Variants in EPB41L1 observed in about 807,000 individuals in gnomAD.
EPB41L1 encodes band 4.1-like protein 1.
In EPB41L1, 29 loss-of-function variants were observed where a neutral mutation model predicts 97.8. The observed-to-expected ratio is 0.30, with a 90% confidence interval of 0.22 to 0.40. The LOEUF (loss-of-function observed/expected upper bound fraction) is 0.40. Ranked by LOEUF, EPB41L1 falls within the 10% of genes least tolerant of loss-of-function variation. The pLI, the probability that EPB41L1 is intolerant of heterozygous loss-of-function variation, is 1.00. For missense variants in EPB41L1, 812 were observed against 1,162.3 expected (o/e 0.70, Z 4.38); for synonymous variants, 383 against 459.2 (o/e 0.83, Z 2.12).
At position 36,206,163 on chromosome 20, in the gene EPB41L1, C is replaced by T. The variant is rs772051461; in HGVS notation, c.1669-3325C>T. On this transcript the variant is annotated intron_variant, in intron 14 of 21. Transcript: ENST00000338074. The surrounding 1 kb of genome is among the most constrained non-coding windows in gnomAD (Gnocchi z 5.5). Reference sequence around the variant, plus strand: ...GCCCAGGAGGGGCTGCCCTGGCTTCCGGCCGCACATTGGCAGAAAAGCTCC... The same window carrying T: ...GCCCAGGAGGGGCTGCCCTGGCTTCTGGCCGCACATTGGCAGAAAAGCTCC... The T allele has an allele frequency of 4.6e-5, 59 of 1,289,880 alleles. 1 individual carries two copies. The highest frequency in any genetic ancestry group is 1.4e-4 in the Admixed American group (6 of 43,578). The allele number at this position is 1,289,880 out of a possible 1,614,324, so 79.9% of individuals were successfully genotyped here.
At chr20:36,187,562 G>A in intron 7 of EPB41L1, 114 bp from the exon 8 acceptor site, 1 of 844,968 alleles carries the variant, frequency 1.2e-6, no homozygotes. Context: ...TTAGGGTGAG[G>A]CTCAGCATAT....
At chr20:36,133,331 A>G (rs1164901631) in intron 2 of EPB41L1, among the ~76,000 whole-genome samples, 2 of 152,234 alleles carry the variant, frequency 1.3e-5, no homozygotes, top group African/African-American at 4.8e-5. Flanking sequence ...TAGGGAATTA[A>G]GTCAGTAGAT....
Position 36,206,211 on chromosome 20 carries a change from A to C in EPB41L1, c.1669-3277A>C. On this transcript the variant is annotated intron_variant, in intron 14 of 21. Coordinates refer to ENST00000338074, the MANE Select transcript of EPB41L1 (RefSeq NM_012156.2). This position sits in a 1 kb window ranked among gnomAD's most constrained non-coding sequence, Gnocchi z 5.5. ...TCCTCGAGGGCTCTGAGCTCAGGGC[A>C]GACACCAGAGAGGCAACCATCAGGA... The C allele has an allele frequency of 7.8e-7, 1 of 1,289,924 alleles. No homozygotes were observed. Among genetic ancestry groups the C allele is most frequent in the Non-Finnish European group, 1.0e-6 (1 of 988,900 alleles). 79.9% of individuals were successfully genotyped at this position (1,289,924 alleles called of 1,614,324 possible).
In EPB41L1 at chr20:36,188,459, A is replaced by G; in HGVS notation, c.986A>G (p.Tyr329Cys). ...TGGCCCAAGATCCTCAAGATCTCCT[A>G]CAAGAGGAGTAACTTCTATATCAAG... is the stretch of plus-strand genomic sequence containing the variant. ...FAWPKILKIS[Y>C]KRSNFYIKIR... is the part of the protein sequence containing the mutation. Residue 329 changes from tyrosine to cysteine, a missense_variant, in exon 9 of 22, where the codon TAC (tyrosine) becomes TGC (cysteine). Coordinates refer to ENST00000338074, the MANE Select transcript of EPB41L1 (RefSeq NM_012156.2). 1 of 1,613,904 alleles carries G rather than the reference A, an allele frequency of 6.2e-7. No homozygotes were observed. The highest frequency in any genetic ancestry group is 8.5e-7 in the Non-Finnish European group (1 of 1,179,974).
At position 36,185,132 on chromosome 20, in the gene EPB41L1, G is replaced by A. The variant is rs66823537; in HGVS notation, c.582G>A (p.Leu194=). Residue 194 remains leucine (L), a synonymous_variant, in exon 7 of 22, where the codon CTG becomes CTA. Coordinates refer to ENST00000338074, the MANE Select transcript of EPB41L1 (RefSeq NM_012156.2). ...TEDITRYYLC[L]QLRADIITGR... ...CTATCTCCAGATACTACCTGTGCCT[G>A]CAGCTGCGGGCAGACATCATCACGG... 6.2e-7 allele frequency: 1 copy of A among 1,612,290 alleles called. No homozygotes were observed. Among genetic ancestry groups the A allele is most frequent in the Non-Finnish European group, 8.5e-7 (1 of 1,180,034 alleles).
At chr20:36,185,411 G>A in intron 7 of EPB41L1, 76 bp downstream of exon 7, 9 of 1,389,282 alleles carry the variant, frequency 6.5e-6, no homozygotes, top group Non-Finnish European at 9.0e-6. Context: ...GAATGTCCTA[G>A]GCCGCCACAT....
At chr20:36,202,927 G>T (rs972748205) in intron 14 of EPB41L1, among the ~76,000 whole-genome samples, 1 of 152,016 alleles carries the variant, frequency 6.6e-6, no homozygotes, top group Non-Finnish European at 1.5e-5. Context: ...TCTGTGCCTT[G>T]GGTGCAGACA....
At chr20:36,163,684 C>T (rs1349133882) in intron 1 of EPB41L1, among the ~76,000 whole-genome samples, 1 of 152,190 alleles carries the variant, frequency 6.6e-6, no homozygotes, top group Admixed American at 6.5e-5. Context: ...ATTACTAGCT[C>T]TCGGCCTGAA....
Position 36,209,768 on chromosome 20 carries a change from C to T in EPB41L1, c.1949C>T (p.Ser650Leu), listed in dbSNP as rs201212477. 142 of 1,614,126 alleles carry T rather than the reference C, an allele frequency of 8.8e-5. No homozygotes were observed. The highest frequency in any genetic ancestry group is 8.7e-4 in the East Asian group (39 of 44,878). ...LPELDRDKSD[S>L]DTEGLLFSRD... The stretch of plus-strand genomic sequence containing the variant: ...GAGCTCGACCGGGACAAAAGCGACT[C>T]GGACACTGAGGGCCTGCTGTTCTCC... Residue 650 changes from serine to leucine, a missense_variant, in exon 15 of 22, where the codon TCG becomes TTG. This residue lies in a region of EPB41L1 where 498 missense variants were observed against 622.7 expected (regional missense o/e 0.80). Transcript: ENST00000338074. This position sits in a 1 kb window ranked among gnomAD's most constrained non-coding sequence, Gnocchi z 4.2.
At position 36,209,967 on chromosome 20, in the gene EPB41L1, G is replaced by A. The variant is rs992380054; in HGVS notation, c.2079+69G>A. On this transcript the variant is annotated intron_variant, in intron 15 of 21. Coordinates refer to ENST00000338074, the MANE Select transcript of EPB41L1 (RefSeq NM_012156.2). This position sits in a 1 kb window ranked among gnomAD's most constrained non-coding sequence, Gnocchi z 4.2. ...ATGCTCAGAGGGCCCTGGGCCACCC[G>A]TGAGAAGACCGAGCACCCAGCCTGC... The A allele has an allele frequency of 1.8e-5, 29 of 1,571,440 alleles. No individual in the cohort carries two copies. The highest frequency in any genetic ancestry group is 1.6e-4 in the African/African-American group (12 of 73,694).
At chr20:36,194,782 C>T (rs890254301) in intron 12 of EPB41L1, among the ~76,000 whole-genome samples, 2 of 152,160 alleles carry the variant, frequency 1.3e-5, no homozygotes, top group Non-Finnish European at 2.9e-5. Flanking sequence ...CCATGCCCCA[C>T]TCAGGTGCAC....
At chr20:36,224,640 C>T (rs577990207) in intron 21 of EPB41L1, among the ~76,000 whole-genome samples, 7 of 152,000 alleles carry the variant, frequency 4.6e-5, no homozygotes, top group Non-Finnish European at 5.9e-5. Context: ...AGCGAGACTC[C>T]GTCTCAAAAA....
chr20:36,172,186 C>T (rs1442025854), intron 1 of EPB41L1, among the ~76,000 whole-genome samples: 2 of 152,164 alleles, frequency 1.3e-5, no homozygotes, highest in African/African-American at 2.4e-5. Context: ...TCAAGCGATT[C>T]TCCTGCTTCA....
chr20:36,170,738 G>A (rs1405102716), intron 1 of EPB41L1, among the ~76,000 whole-genome samples: 1 of 152,150 alleles, frequency 6.6e-6, no homozygotes, highest in Non-Finnish European at 1.5e-5. Flanking sequence ...GGAGGAACCA[G>A]GGAAACCTGG....
At chr20:36,201,747 G>C (rs2062508953) in intron 14 of EPB41L1, among the ~76,000 whole-genome samples, 1 of 152,162 alleles carries the variant, frequency 6.6e-6, no homozygotes, top group Non-Finnish European at 1.5e-5. Flanking sequence ...TGGATGCTGG[G>C]CATAGAATCC....
At chr20:36,131,975 T>C (rs984924603) in intron 2 of EPB41L1, among the ~76,000 whole-genome samples, 3 of 152,078 alleles carry the variant, frequency 2.0e-5, no homozygotes, top group Admixed American at 2.0e-4. Flanking sequence ...AAGTTATCTC[T>C]CTAGGTTAGA....
At chr20:36,113,224 A>G (rs2058466320) in intron 2 of EPB41L1, among the ~76,000 whole-genome samples, 1 of 152,184 alleles carries the variant, frequency 6.6e-6, no homozygotes, top group South Asian at 2.1e-4. Context: ...GCGAGGGAGT[A>G]GAGAGGGAAC....
chr20:36,119,645 A>AGGAGG (rs1453915355), intron 2 of EPB41L1, among the ~76,000 whole-genome samples: 6 of 55,012 alleles, frequency 1.1e-4, no homozygotes, highest in African/African-American at 2.2e-4. Flanking sequence ...CGGAGGGGAG[A>AGGAGG]GGAGGGGAGG....
rs898660383 is a variant in EPB41L1 at position 36,173,758 on chromosome 20, A to G, written c.-14-6A>G. 4.3e-6 allele frequency: 7 copies of G among 1,613,872 alleles called. No homozygotes were observed. Among genetic ancestry groups the G allele is most frequent in the East Asian group, 2.2e-5 (1 of 44,866 alleles). On this transcript the variant is annotated splice_region_variant and splice_polypyrimidine_tract_variant and intron_variant, in intron 1 of 21. Transcript: ENST00000338074. ...CTGTCACATGATCTCCTTCATGCCA[A>G]TGCAGGCGTGCTGGTCACCATGACA...
Sources: allele counts gnomAD v4.1 joint callset (sites outside exome capture counted in the v4.1 genomes callset), GRCh38; gene constraint gnomAD v4.1.1; regional missense constraint gnomAD v4.1.1; non-coding constraint Gnocchi (gnomAD v3.1); transcripts MANE v1.5; gene names NCBI Gene and HGNC (gene_info 2026-07-23, HGNC 2026-07-21).